The following PRELID2 variants were observed in gnomAD, a reference collection of about 807,000 sequenced individuals.
PRELID2 encodes the protein PRELI domain containing 2.
Under a neutral mutation model 28.4 loss-of-function variants are expected in PRELID2, and 25 were observed. That is an observed-to-expected ratio of 0.88 (90% CI 0.64 to 1.23). The LOEUF (loss-of-function observed/expected upper bound fraction) is 1.23, where lower values mean the gene tolerates loss of function less well. Ranked by LOEUF, PRELID2 falls within the 50% of genes most tolerant of loss-of-function variation. The probability of loss-of-function intolerance (pLI) is 0.00; values close to 1 mark genes in which losing one functional copy is unlikely to be tolerated. For synonymous variants in PRELID2, 76 were observed against 71.6 expected (o/e 1.06, Z -0.31); for missense variants, 201 against 214.4 (o/e 0.94, Z 0.39).
the PRELID2 span, among the ~76,000 whole-genome samples, chr5:145,418,743 T>C: frequency 1.3e-5 from 2 of 151,670 alleles, no homozygotes; most frequent in African/African-American, 4.8e-5. Flanking sequence ...TTTTTTTTTA[T>C]TATACTTTAA....
At chr5:145,654,587 G>A (rs528204301) in intron 1 of PRELID2, among the ~76,000 whole-genome samples, 7 of 152,196 alleles carry the variant, frequency 4.6e-5, no homozygotes, top group Non-Finnish European at 8.8e-5. Context: ...TGCAAGACTG[G>A]TTCAACATAC....
intron 1 of PRELID2, among the ~76,000 whole-genome samples, chr5:145,688,988 TG>T (rs1330840369): frequency 6.6e-6 from 1 of 152,214 alleles, no homozygotes; most frequent in Non-Finnish European, 1.5e-5. Context: ...AGCAAGGTAT[TG>T]GACAATTGGG....
chr5:145,613,889 T>C (rs1753658451), intron 1 of PRELID2, among the ~76,000 whole-genome samples: 1 of 152,206 alleles, frequency 6.6e-6, no homozygotes, highest in Non-Finnish European at 1.5e-5. Flanking sequence ...ATGAAATCCT[T>C]GCCTAAGCCA....
chr5:145,418,257 G>A, the PRELID2 span, among the ~76,000 whole-genome samples: 1 of 151,996 alleles, frequency 6.6e-6, no homozygotes, highest in Admixed American at 6.6e-5. Flanking sequence ...ACAAATGGAA[G>A]AACCAACCAT....
At chr5:145,645,037 G>A (rs1489603458) in intron 1 of PRELID2, among the ~76,000 whole-genome samples, 2 of 152,128 alleles carry the variant, frequency 1.3e-5, no homozygotes, top group African/African-American at 2.4e-5. Context: ...AAGTCCACTT[G>A]GTCCAGAGTT....
At chr5:145,352,393 C>T in the PRELID2 span, among the ~76,000 whole-genome samples, 2 of 152,186 alleles carry the variant, frequency 1.3e-5, no homozygotes, top group Non-Finnish European at 2.9e-5. Context: ...CTTTCTGAAG[C>T]AACAGCCTGA....
At chr5:145,594,476 C>T (rs1283722702) in intron 1 of PRELID2, among the ~76,000 whole-genome samples, 2 of 152,054 alleles carry the variant, frequency 1.3e-5, no homozygotes, top group African/African-American at 4.8e-5. Context: ...TCTCAATTTG[C>T]TTTGAAGAAT....
the PRELID2 span, among the ~76,000 whole-genome samples, chr5:145,274,544 G>T: frequency 6.6e-6 from 1 of 152,270 alleles, no homozygotes; most frequent in African/African-American, 2.4e-5. Context: ...CAGACTTAGA[G>T]GTTAAAAAGT....
intron 1 of PRELID2, among the ~76,000 whole-genome samples, chr5:145,508,771 G>A (rs1752436717): frequency 6.6e-6 from 1 of 152,068 alleles, no homozygotes; most frequent in African/African-American, 2.4e-5. Flanking sequence ...CAAGGCAAAG[G>A]AGAAAACAAA....
the PRELID2 span, among the ~76,000 whole-genome samples, chr5:145,425,454 G>C: frequency 6.6e-6 from 1 of 152,134 alleles, no homozygotes; most frequent in African/African-American, 2.4e-5. Flanking sequence ...ATACATGCAT[G>C]AATACATTAA....
the PRELID2 span, among the ~76,000 whole-genome samples, chr5:145,247,242 C>G: frequency 6.6e-6 from 1 of 152,126 alleles, no homozygotes; most frequent in Non-Finnish European, 1.5e-5. Context: ...CTCCTCAATT[C>G]CCGAGCCCCT....
At chr5:145,325,218 G>T in the PRELID2 span, among the ~76,000 whole-genome samples, 15 of 152,232 alleles carry the variant, frequency 9.9e-5, no homozygotes, top group Admixed American at 2.6e-4. Context: ...ATGTTTTCTT[G>T]CTGTTGGTTT....
At chr5:145,290,608 G>T in the PRELID2 span, among the ~76,000 whole-genome samples, 298 of 135,700 alleles carry the variant, frequency 2.2e-3, 1 homozygote, top group African/African-American at 7.7e-3. Context: ...CATGCGGTTG[G>T]GGGAGGGGGG....
chr5:145,425,259 A>G, the PRELID2 span, among the ~76,000 whole-genome samples: 2 of 152,136 alleles, frequency 1.3e-5, no homozygotes, highest in African/African-American at 4.8e-5. Context: ...AAAAAATAAC[A>G]TGCTGGTTAG....
chr5:145,288,831 T>C, the PRELID2 span, among the ~76,000 whole-genome samples: 5 of 152,108 alleles, frequency 3.3e-5, no homozygotes, highest in Non-Finnish European at 5.9e-5. Flanking sequence ...GTCTATAACT[T>C]CTTACTCTAA....
chr5:145,728,660 T>C, intron 1 of PRELID2: 4 of 1,480,550 alleles, frequency 2.7e-6, no homozygotes, highest in Non-Finnish European at 3.8e-6. Flanking sequence ...TTTCAATGAA[T>C]TTGTGGTTAT....
chr5:145,560,832 G>A (rs1752919600), intron 1 of PRELID2, among the ~76,000 whole-genome samples: 1 of 152,296 alleles, frequency 6.6e-6, no homozygotes, highest in South Asian at 2.1e-4. Context: ...AGTTAGGGCT[G>A]TAATGCACAC....
chr5:145,658,594 TCTCA>T (rs1402444414), intron 1 of PRELID2, among the ~76,000 whole-genome samples: 1 of 152,140 alleles, frequency 6.6e-6, no homozygotes, highest in Admixed American at 6.5e-5. Context: ...GGGACCTCTC[TCTCA>T]CTCTCTCTCT....
At chr5:145,341,258 A>T in the PRELID2 span, among the ~76,000 whole-genome samples, 1 of 152,162 alleles carries the variant, frequency 6.6e-6, no homozygotes, top group African/African-American at 2.4e-5. Context: ...GATCTCAATC[A>T]AAAAGAAATT....
Sources: gnomAD v4.1 joint callset for allele counts (sites outside exome capture counted in the v4.1 genomes callset) on GRCh38, gnomAD v4.1.1 for gene constraint, MANE v1.5 for transcripts, NCBI Gene and HGNC (gene_info 2026-07-23, HGNC 2026-07-21) for gene names.